Variants in METTL6 observed in about 807,000 individuals in gnomAD.
The protein encoded by METTL6 is tRNA N(3)-cytidine methyltransferase METTL6.
Under a neutral mutation model 26.4 loss-of-function variants are expected in METTL6, and 22 were observed. The ratio of observed to expected loss-of-function variants is 0.83; its 90% CI spans 0.59 to 1.19. The LOEUF (loss-of-function observed/expected upper bound fraction) is 1.19. Ranked by LOEUF, METTL6 falls within the 50% of genes most tolerant of loss-of-function variation. The probability of loss-of-function intolerance (pLI) is 0.00; values close to 1 mark genes in which losing one functional copy is unlikely to be tolerated. For synonymous variants in METTL6, 109 were observed against 116.2 expected (o/e 0.94, Z 0.40); for missense variants, 304 against 324.8 (o/e 0.94, Z 0.49).
downstream of METTL6, among the ~76,000 whole-genome samples, chr3:15,406,747 T>C (rs1289946923): frequency 3.4e-5 from 5 of 148,836 alleles, no homozygotes; most frequent in African/African-American, 1.2e-4. Flanking sequence ...CCCAGGTTCC[T>C]GCCTCAGCTT....
At chr3:15,406,008 T>C (rs1453467653), downstream of METTL6, among the ~76,000 whole-genome samples, 1 of 151,684 alleles carries the variant, frequency 6.6e-6, no homozygotes, top group East Asian at 1.9e-4. Context: ...TGTGTGTGTA[T>C]GTGTATATAT....
intron 3 of METTL6, among the ~76,000 whole-genome samples, chr3:15,419,384 G>GT (rs1559495854): frequency 6.6e-6 from 1 of 152,152 alleles, no homozygotes; most frequent in Non-Finnish European, 1.5e-5. Flanking sequence ...TCTGTTCACT[G>GT]TTTAACTCCA....
intron 6 of METTL6, among the ~76,000 whole-genome samples, chr3:15,403,319 C>G (rs1456390957): frequency 6.6e-6 from 1 of 152,106 alleles, no homozygotes; most frequent in Admixed American, 6.6e-5. Flanking sequence ...GACCATTTTG[C>G]CCATTTTGTC....
intron 6 of METTL6, among the ~76,000 whole-genome samples, chr3:15,397,224 G>A (rs191203459): frequency 6.6e-6 from 1 of 152,162 alleles, no homozygotes; most frequent in Admixed American, 6.5e-5. Context: ...CTTGCAGTTC[G>A]ATCTCAGACT....
At chr3:15,404,452 T>C (rs183466655) in intron 6 of METTL6, among the ~76,000 whole-genome samples, 118 of 151,792 alleles carry the variant, frequency 7.8e-4, no homozygotes, top group Admixed American at 1.2e-3. Context: ...AAGCAATTCA[T>C]CTGCCTCAGC....
At chr3:15,407,650 C>G (rs546796981), downstream of METTL6, among the ~76,000 whole-genome samples, 1 of 152,242 alleles carries the variant, frequency 6.6e-6, no homozygotes, top group African/African-American at 2.4e-5. Context: ...GAAAACTGAC[C>G]GAAGGACCAA....
At chr3:15,414,306 T>G in intron 4 of METTL6, 144 bp from the exon 5 acceptor site, 2 of 1,431,510 alleles carry the variant, frequency 1.4e-6, no homozygotes, top group South Asian at 1.5e-5. Flanking sequence ...AATGGCCTAC[T>G]ACTTAAAAAG....
At chr3:15,400,926 A>G (rs1699622391) in intron 6 of METTL6, among the ~76,000 whole-genome samples, 1 of 152,148 alleles carries the variant, frequency 6.6e-6, no homozygotes, top group African/African-American at 2.4e-5. Context: ...CAATGGCTGG[A>G]TATCAGCTCA....
At chr3:15,395,731 T>G (rs111495233) in intron 6 of METTL6, among the ~76,000 whole-genome samples, 67 of 151,754 alleles carry the variant, frequency 4.4e-4, no homozygotes, top group African/African-American at 1.2e-3. Flanking sequence ...CTTGTCTGTA[T>G]TTTATTTCTC....
chr3:15,388,362 C>T (rs1169932804), intron 6 of METTL6, among the ~76,000 whole-genome samples: 4 of 152,168 alleles, frequency 2.6e-5, no homozygotes, highest in South Asian at 2.1e-4. Flanking sequence ...TCGCCCGCCT[C>T]GGCCTCCCAA....
intron 6 of METTL6, among the ~76,000 whole-genome samples, chr3:15,386,184 G>C (rs1699187534): frequency 6.6e-6 from 1 of 152,170 alleles, no homozygotes. Flanking sequence ...GAATATGTAG[G>C]GTAACTTCCA....
rs925914840 is a variant in METTL6 at position 15,427,504 on chromosome 3, T to C, written c.-227A>G. On this transcript the variant is annotated 5_prime_UTR_variant, in exon 1 of 6. Transcript: ENST00000383790. ...CCACGAATTCGGATTATCCGGGAGT[T>C]CTTTTGCCATGGCACCGCCCCCGCC... 3 of 504,678 alleles carry C rather than the reference T, an allele frequency of 5.9e-6. No homozygotes were observed. In the East Asian group the frequency reaches 1.2e-4, roughly 20 times the overall value. The allele number at this position is 504,678 out of a possible 1,614,324, so 31.3% of individuals were successfully genotyped here.
intron 6 of METTL6, among the ~76,000 whole-genome samples, chr3:15,391,641 C>A (rs1327328986): frequency 2.5e-5 from 3 of 119,080 alleles, no homozygotes; most frequent in East Asian, 6.1e-4. Context: ...AATGCTATCC[C>A]TCCCCCCTCC....
chr3:15,401,285 C>T (rs532617671), intron 6 of METTL6, among the ~76,000 whole-genome samples: 96 of 151,978 alleles, frequency 6.3e-4, no homozygotes, highest in East Asian at 2.1e-3. Flanking sequence ...GTGATCCGCC[C>T]GCCTCGGCCT....
exon 7 of METTL6, chr3:15,383,716 T>C (rs762525630): frequency 3.3e-5 from 5 of 152,296 alleles, no homozygotes; most frequent in African/African-American, 7.2e-5. Context: ...TAAATTTTCA[T>C]TTAAAATTTT....
rs965388455 is a variant in METTL6 at position 15,411,146 on chromosome 3, C to T, written c.*110G>A. On this transcript the variant is annotated 3_prime_UTR_variant, in exon 6 of 6. Transcript: ENST00000383790. ...CTGACCTCAGATGATCCCCCAACCTCGGCCTCCCGAAGTGCTGGGATTACA... is the reference window on the plus strand; with the variant it reads ...CTGACCTCAGATGATCCCCCAACCTTGGCCTCCCGAAGTGCTGGGATTACA... 176 of 1,225,424 alleles carry T rather than the reference C, an allele frequency of 1.4e-4. 1 individual carries two copies. The highest frequency in any genetic ancestry group is 3.5e-4 in the Admixed American group (13 of 37,566). The allele number at this position is 1,225,424 out of a possible 1,614,324, so 75.9% of individuals were successfully genotyped here.
chr3:15,395,012 AGGTCCACTT>A (rs1312326248), intron 6 of METTL6, among the ~76,000 whole-genome samples: 1 of 152,264 alleles, frequency 6.6e-6, no homozygotes, highest in Non-Finnish European at 1.5e-5. Context: ...GATGTCTATT[AGGTCCACTT>A]GGTGCAGAGC....
downstream of METTL6, among the ~76,000 whole-genome samples, chr3:15,407,421 TGTTTGGAG>T (rs1320112189): frequency 2.0e-5 from 3 of 152,228 alleles, no homozygotes; most frequent in Non-Finnish European, 4.4e-5. Flanking sequence ...CTCCAGGTTG[TGTTTGGAG>T]GAAACTGTTG....
At chr3:15,418,118 C>G (rs148320705) in intron 3 of METTL6, among the ~76,000 whole-genome samples, 11 of 152,342 alleles carry the variant, frequency 7.2e-5, no homozygotes, top group African/African-American at 2.2e-4. Context: ...CCCTCAGTAT[C>G]TACTGGCCCT....
Sources: gnomAD v4.1 joint callset for allele counts (sites outside exome capture counted in the v4.1 genomes callset) on GRCh38, gnomAD v4.1.1 for gene constraint, MANE v1.5 for transcripts, NCBI Gene and HGNC (gene_info 2026-07-23, HGNC 2026-07-21) for gene names.